Variants in RBFOX1 observed in about 807,000 individuals in gnomAD.
The protein encoded by RBFOX1 is RNA binding fox-1 homolog 1, also known as RNA binding protein fox-1 homolog 1.
A neutral mutation model predicts 57.7 loss-of-function variants in RBFOX1; 8 were observed. That is an observed-to-expected ratio of 0.14 (90% CI 0.08 to 0.25). The LOEUF (loss-of-function observed/expected upper bound fraction) is 0.25. RBFOX1 is among the 10% of genes least tolerant of loss of function. The pLI is 1.00. For missense variants in RBFOX1, 611 were observed against 548.5 expected (o/e 1.11, Z -1.14); for synonymous variants, 326 against 222.4 (o/e 1.47, Z -4.15).
chr16:5,613,315 G>T (rs893027276), intron 3 of RBFOX1, among the ~76,000 whole-genome samples: 1 of 152,186 alleles, frequency 6.6e-6, no homozygotes, highest in Non-Finnish European at 1.5e-5. Context: ...TTGAGGGTGG[G>T]TTCCCCAATA....
At chr16:5,347,817 C>T (rs1292175271) in intron 1 of RBFOX1, among the ~76,000 whole-genome samples, 1 of 149,402 alleles carries the variant, frequency 6.7e-6, no homozygotes, top group Non-Finnish European at 1.5e-5. Flanking sequence ...TAATCATGCA[C>T]TCACCCACCC....
At chr16:6,545,635 T>G (rs1160454204) in intron 2 of RBFOX1, among the ~76,000 whole-genome samples, 2 of 152,196 alleles carry the variant, frequency 1.3e-5, no homozygotes, top group African/African-American at 4.8e-5. Flanking sequence ...AATTGCAGAT[T>G]TATTGATGTG....
At chr16:5,303,996 G>C (rs1465606985) in intron 1 of RBFOX1, among the ~76,000 whole-genome samples, 4 of 152,086 alleles carry the variant, frequency 2.6e-5, no homozygotes, top group Non-Finnish European at 5.9e-5. Flanking sequence ...TTTTTTTAAA[G>C]ATCTAATATG....
In RBFOX1 at chr16:6,922,695, C is replaced by G. The variant is rs2074741751; in HGVS notation, c.-15-129362C>G. On this transcript the variant is annotated intron_variant, in intron 3 of 15. Coordinates refer to ENST00000550418, the MANE Select transcript of RBFOX1 (RefSeq NM_018723.4). Reference sequence around the variant, plus strand: ...AACTTAGGCCATGTTTTGGGCCTCACTGCATCCACCACTCCAAAAACTGGA... The same window carrying G: ...AACTTAGGCCATGTTTTGGGCCTCAGTGCATCCACCACTCCAAAAACTGGA... Among the ~76,000 whole-genome samples, 6 of 152,154 alleles carry G rather than the reference C, an allele frequency of 3.9e-5. No individual in the cohort carries two copies. In the South Asian group the frequency reaches 1.0e-3, roughly 26 times the overall value.
chr16:7,389,875 A>G (rs1002080197), intron 4 of RBFOX1, among the ~76,000 whole-genome samples: 3 of 152,170 alleles, frequency 2.0e-5, no homozygotes, highest in African/African-American at 7.2e-5. Context: ...CTGTTTTCCA[A>G]ATAAGAAGAT....
chr16:5,510,287 G>T (rs1012170314), intron 2 of RBFOX1, among the ~76,000 whole-genome samples: 4 of 152,180 alleles, frequency 2.6e-5, no homozygotes, highest in Admixed American at 2.0e-4. Context: ...GTTGCGTGGG[G>T]TTCAGCAGAT....
At chr16:6,847,825 C>G (rs866753689) in intron 3 of RBFOX1, among the ~76,000 whole-genome samples, 1 of 152,018 alleles carries the variant, frequency 6.6e-6, no homozygotes, top group Non-Finnish European at 1.5e-5. Context: ...ATTATTCCCA[C>G]CAAGACTTCC....
At chr16:5,437,106 T>A (rs891123336) in intron 1 of RBFOX1, among the ~76,000 whole-genome samples, 1 of 152,166 alleles carries the variant, frequency 6.6e-6, no homozygotes, top group Non-Finnish European at 1.5e-5. Context: ...CATGATCACA[T>A]TGTGAACTTT....
At chr16:6,408,514 C>A (rs772718406) in intron 2 of RBFOX1, among the ~76,000 whole-genome samples, 2 of 152,126 alleles carry the variant, frequency 1.3e-5, no homozygotes, top group Non-Finnish European at 2.9e-5. Flanking sequence ...TCACCCATTC[C>A]ATGGTGGGAA....
intron 1 of RBFOX1, among the ~76,000 whole-genome samples, chr16:5,391,498 C>T (rs188865802): frequency 5.3e-5 from 8 of 152,264 alleles, no homozygotes; most frequent in Admixed American, 1.3e-4. Flanking sequence ...CCCAGATAAC[C>T]GAGGAGAATC....
chr16:7,544,940 A>G (rs74520458), intron 5 of RBFOX1, among the ~76,000 whole-genome samples: 6,380 of 152,222 alleles, frequency 0.042, 212 homozygotes, highest in East Asian at 0.12. Context: ...CTTCACTCCA[A>G]TAGCAGCTCA....
chr16:7,440,430 T>G (rs111943905), intron 4 of RBFOX1, among the ~76,000 whole-genome samples: 4,285 of 152,242 alleles, frequency 0.028, 66 homozygotes, highest in Middle Eastern at 0.048. Flanking sequence ...CAAGCCTATG[T>G]CCCTTTGTAT....
intron 2 of RBFOX1, among the ~76,000 whole-genome samples, chr16:5,582,038 T>C (rs1390095062): frequency 1.3e-5 from 2 of 152,360 alleles, no homozygotes; most frequent in East Asian, 3.9e-4. Context: ...TAATTGCAGA[T>C]GTTCAGCATA....
chr16:5,728,047 G>A (rs1455502903), intron 3 of RBFOX1, among the ~76,000 whole-genome samples: 1 of 152,206 alleles, frequency 6.6e-6, no homozygotes, highest in African/African-American at 2.4e-5. Flanking sequence ...AGCTTTGGTA[G>A]TATTTGTCTT....
rs549547741 is a variant in RBFOX1 at position 7,069,471 on chromosome 16, G to A, written c.27+17373G>A. Among the ~76,000 whole-genome samples, 15 of 152,152 alleles carry A rather than the reference G, an allele frequency of 9.9e-5. 1 individual carries two copies. Among genetic ancestry groups the A allele is most frequent in the South Asian group, 4.2e-4 (2 of 4,808 alleles). ...TGTTCAGTTTTCTGTTCCTGTTTTCGTTCACTGAGGATAATGGCTTCCAGC... is the reference window on the plus strand; with the variant it reads ...TGTTCAGTTTTCTGTTCCTGTTTTCATTCACTGAGGATAATGGCTTCCAGC... On this transcript the variant is annotated intron_variant, in intron 4 of 15. Transcript: ENST00000550418.
intron 4 of RBFOX1, among the ~76,000 whole-genome samples, chr16:7,372,092 T>C (rs539648376): frequency 1.6e-4 from 24 of 152,292 alleles, no homozygotes; most frequent in African/African-American, 5.5e-4. Context: ...TTCCTAGCAG[T>C]GTGATTGTTG....
At chr16:7,676,242 T>A (rs945880829) in intron 13 of RBFOX1, among the ~76,000 whole-genome samples, 3 of 152,198 alleles carry the variant, frequency 2.0e-5, no homozygotes, top group African/African-American at 7.2e-5. Context: ...CTACAGACAT[T>A]CTTCAATAAC....
At chr16:7,016,666 A>C (rs2093931685) in intron 3 of RBFOX1, among the ~76,000 whole-genome samples, 1 of 152,218 alleles carries the variant, frequency 6.6e-6, no homozygotes, top group Non-Finnish European at 1.5e-5. Flanking sequence ...AGAAAGTGGA[A>C]ATGCTGAACT....
At chr16:6,756,774 C>G (rs988699386) in intron 3 of RBFOX1, among the ~76,000 whole-genome samples, 3 of 152,072 alleles carry the variant, frequency 2.0e-5, no homozygotes, top group African/African-American at 4.8e-5. Context: ...GAGTTCGAGA[C>G]CAGCCTGGCC....
Sources: allele counts gnomAD v4.1 joint callset (sites outside exome capture counted in the v4.1 genomes callset), GRCh38; gene constraint gnomAD v4.1.1; transcripts MANE v1.5; gene names NCBI Gene and HGNC (gene_info 2026-07-23, HGNC 2026-07-21).